The following PDE11A variants were observed in gnomAD, a reference collection of about 807,000 sequenced individuals.
The protein encoded by PDE11A is phosphodiesterase 11A, also known as dual 3',5'-cyclic-AMP and -GMP phosphodiesterase 11A.
In PDE11A, 100 loss-of-function variants were observed where a neutral mutation model predicts 100.5. The observed-to-expected ratio is 1.00, with a 90% CI of 0.85 to 1.18. PDE11A has a LOEUF of 1.18. PDE11A is among the 50% of genes most tolerant of loss of function. The pLI is 0.00. For synonymous variants in PDE11A, 381 were observed against 420.8 expected, an observed-to-expected ratio of 0.91 and a Z score of 1.16; for missense variants, 1,141 against 1,152.6, an observed-to-expected ratio of 0.99 and a Z score of 0.15.
rs1177890719 is a variant in PDE11A, at chr2:177,628,632, T to C, written c.*775A>G. The C allele has an allele frequency of 6.6e-6, 1 of 152,374 alleles. No individual in the cohort carries two copies. Among genetic ancestry groups the C allele is most frequent in the East Asian group, 1.9e-4 (1 of 5,202 alleles). The allele number at this position is 152,374 out of a possible 1,614,324, so 9.4% of individuals were successfully genotyped here. On this transcript the variant is annotated 3_prime_UTR_variant, in exon 20 of 20. Coordinates refer to ENST00000286063, the MANE Select transcript of PDE11A (RefSeq NM_016953.4). ...GTTTCTAGATGTCACTTGTGGTAAA[T>C]CCAGCTACAGATTTCCTTCCACCCT...
At chr2:177,785,279 A>T (rs1424633238) in intron 9 of PDE11A, among the ~76,000 whole-genome samples, 2 of 146,160 alleles carry the variant, frequency 1.4e-5, no homozygotes, top group African/African-American at 2.6e-5. Context: ...TAATATGATC[A>T]TGGGCCCAGA....
chr2:177,793,050 C>T (rs766269842), intron 9 of PDE11A, among the ~76,000 whole-genome samples: 2 of 152,054 alleles, frequency 1.3e-5, no homozygotes, highest in Non-Finnish European at 2.9e-5. Flanking sequence ...AGCCAGCCAA[C>T]GGGTAGGGGA....
In PDE11A at chr2:177,875,131, G is replaced by A. The variant is rs552343275; in HGVS notation, c.1367+728C>T. Among the ~76,000 whole-genome samples, 93 of 152,104 alleles carry A rather than the reference G, an allele frequency of 6.1e-4. 1 individual carries two copies. In the Middle Eastern group the frequency reaches 0.01, roughly 17 times the overall value. Reference sequence around the variant, plus strand: ...CCCAGCTACTCAGGTGGCTGAGGCAGGAGAATCGTTTGAACCTGGGAGGCA... The same window carrying A: ...CCCAGCTACTCAGGTGGCTGAGGCAAGAGAATCGTTTGAACCTGGGAGGCA... On this transcript the variant is annotated intron_variant, in intron 5 of 19. Transcript: ENST00000286063.
intron 9 of PDE11A, among the ~76,000 whole-genome samples, chr2:177,780,944 A>G (rs1163619165): frequency 1.3e-5 from 2 of 152,240 alleles, no homozygotes; most frequent in African/African-American, 2.4e-5. Context: ...CTGGAACAGC[A>G]TTTTTAATTT....
chr2:178,025,973 GACAA>G (rs1219349961), intron 1 of PDE11A, among the ~76,000 whole-genome samples: 3 of 152,192 alleles, frequency 2.0e-5, no homozygotes, highest in African/African-American at 7.2e-5. Context: ...TCAGACACCA[GACAA>G]ACAGTCAGAA....
At chr2:177,949,570 T>C (rs1409512652) in intron 2 of PDE11A, among the ~76,000 whole-genome samples, 1 of 152,194 alleles carries the variant, frequency 6.6e-6, no homozygotes, top group East Asian at 1.9e-4. Flanking sequence ...ATGGAGGTGA[T>C]CATAATAATA....
chr2:177,656,643 G>C (rs895631245), intron 19 of PDE11A, among the ~76,000 whole-genome samples: 1 of 152,218 alleles, frequency 6.6e-6, no homozygotes, highest in African/African-American at 2.4e-5. Flanking sequence ...ACTGTGCTAG[G>C]TGCCAGGAAT....
At chr2:177,868,738 A>G (rs2084073466) in intron 5 of PDE11A, among the ~76,000 whole-genome samples, 2 of 152,180 alleles carry the variant, frequency 1.3e-5, no homozygotes, top group Admixed American at 1.3e-4. Context: ...CAAGCTGCTG[A>G]CACTCTCTTG....
At chr2:177,655,997 A>G (rs2080377348) in intron 19 of PDE11A, among the ~76,000 whole-genome samples, 1 of 152,200 alleles carries the variant, frequency 6.6e-6, no homozygotes, top group South Asian at 2.1e-4. Context: ...TCCTAGCTGA[A>G]AAAGTCAAAG....
intron 9 of PDE11A, among the ~76,000 whole-genome samples, chr2:177,794,226 T>C (rs1407506141): frequency 6.6e-6 from 1 of 152,068 alleles, no homozygotes; most frequent in Non-Finnish European, 1.5e-5. Flanking sequence ...ATAGTACAAA[T>C]AAAACCTGAA....
At chr2:177,712,251 G>C (rs1318389348) in intron 12 of PDE11A, among the ~76,000 whole-genome samples, 1 of 152,096 alleles carries the variant, frequency 6.6e-6, no homozygotes, top group Non-Finnish European at 1.5e-5. Flanking sequence ...TGGAGGTTGG[G>C]GAATAGGAAG....
intron 12 of PDE11A, among the ~76,000 whole-genome samples, chr2:177,725,854 C>G (rs553929795): frequency 1.6e-4 from 25 of 152,288 alleles, no homozygotes; most frequent in African/African-American, 6.0e-4. Context: ...AAAAATCTGT[C>G]TCTGTCCTTG....
At chr2:177,752,853 C>T (rs575602357) in intron 10 of PDE11A, among the ~76,000 whole-genome samples, 4 of 152,254 alleles carry the variant, frequency 2.6e-5, no homozygotes, top group Admixed American at 2.6e-4. Flanking sequence ...TTTGTTAATG[C>T]GAGTCTGCAG....
intron 1 of PDE11A, among the ~76,000 whole-genome samples, chr2:178,062,473 T>A (rs1323545717): frequency 6.6e-6 from 1 of 152,086 alleles, no homozygotes; most frequent in Non-Finnish European, 1.5e-5. Context: ...AAGGTGGCCA[T>A]TAGAAAGAGG....
At chr2:177,874,174 T>C (rs1026146800) in intron 5 of PDE11A, among the ~76,000 whole-genome samples, 8 of 152,186 alleles carry the variant, frequency 5.3e-5, no homozygotes, top group Non-Finnish European at 1.0e-4. Flanking sequence ...TAAGTGACCT[T>C]GTCCTTGGTG....
At chr2:178,004,101 A>T (rs1033028753) in intron 2 of PDE11A, among the ~76,000 whole-genome samples, 3 of 152,170 alleles carry the variant, frequency 2.0e-5, no homozygotes, top group African/African-American at 4.8e-5. Flanking sequence ...TAAAACATAT[A>T]TTTATTTGTA....
chr2:177,790,916 G>A lies in PDE11A; in HGVS notation c.1738-21543C>T, dbSNP rs145689741. ...GTGCTGGAGAGGATGTGGAGAAATA[G>A]GAACACTTTTACACTGTTGGAGAGA... On this transcript the variant is annotated intron_variant, in intron 9 of 19. Coordinates refer to ENST00000286063, the MANE Select transcript of PDE11A (RefSeq NM_016953.4). 6.5e-3 allele frequency among the ~76,000 whole-genome samples: 989 copies of A among 152,278 alleles called. 14 individuals are homozygous for A. The highest frequency in any genetic ancestry group is 0.022 in the African/African-American group (929 of 41,532).
upstream of PDE11A, among the ~76,000 whole-genome samples, chr2:178,076,500 A>G (rs2087209602): frequency 6.6e-6 from 1 of 151,924 alleles, no homozygotes; most frequent in Admixed American, 6.6e-5. Context: ...TGGACACATA[A>G]CTCCTCCAAA....
chr2:178,086,286 C>T (rs2087354569), intron 2 of PDE11A, among the ~76,000 whole-genome samples: 1 of 152,176 alleles, frequency 6.6e-6, no homozygotes, highest in African/African-American at 2.4e-5. Flanking sequence ...ACTAGTATAA[C>T]ATCACTTCTA....
Sources: gnomAD v4.1 joint callset for allele counts (sites outside exome capture counted in the v4.1 genomes callset) on GRCh38, gnomAD v4.1.1 for gene constraint, MANE v1.5 for transcripts, NCBI Gene and HGNC (gene_info 2026-07-23, HGNC 2026-07-21) for gene names.